The following TMEM116 variants were observed in gnomAD, a reference collection of about 807,000 sequenced individuals.
TMEM116 encodes the protein transmembrane protein 116.
TMEM116 carries 38 observed loss-of-function variants against 44.3 expected under a neutral mutation model. The observed-to-expected ratio is 0.86, with a 90% CI of 0.66 to 1.12. The LOEUF (loss-of-function observed/expected upper bound fraction) is 1.12, where lower values mean the gene tolerates loss of function less well. Among genes scored for constraint, TMEM116 ranks in the 50% most tolerant of loss-of-function variants. The probability of loss-of-function intolerance (pLI) is 0.00; values close to 1 mark genes in which losing one functional copy is unlikely to be tolerated. For missense variants in TMEM116, 354 were observed against 401.7 expected (o/e 0.88, Z 1.01); for synonymous variants, 132 against 144.8 (o/e 0.91, Z 0.64).
intron 4 of TMEM116, among the ~76,000 whole-genome samples, chr12:111,986,068 A>G (rs1423439394): frequency 1.3e-5 from 2 of 152,142 alleles, no homozygotes; most frequent in Non-Finnish European, 2.9e-5. Flanking sequence ...ATCTTGAAAA[A>G]GAAGAGGTAA....
chr12:111,938,898 A>AT (rs2072417318), intron 5 of TMEM116, among the ~76,000 whole-genome samples: 1 of 151,884 alleles, frequency 6.6e-6, no homozygotes, highest in African/African-American at 2.4e-5. Context: ...GATAGAAAAC[A>AT]TATATTTGGA....
intron 4 of TMEM116, among the ~76,000 whole-genome samples, chr12:111,987,108 C>T (rs2076269663): frequency 6.6e-6 from 1 of 151,990 alleles, no homozygotes; most frequent in South Asian, 2.1e-4. Flanking sequence ...AAAAGGCAGC[C>T]TACAGAATGG....
intron 4 of TMEM116, among the ~76,000 whole-genome samples, chr12:111,973,176 T>G (rs887126584): frequency 1.3e-5 from 2 of 151,992 alleles, no homozygotes; most frequent in African/African-American, 4.8e-5. Context: ...AGTCAATAAT[T>G]TCAAAAGCAC....
At chr12:111,953,372 C>T (rs2073873061) in intron 4 of TMEM116, among the ~76,000 whole-genome samples, 1 of 152,122 alleles carries the variant, frequency 6.6e-6, no homozygotes, top group South Asian at 2.1e-4. Flanking sequence ...GATGACTGAT[C>T]AGCAATGCTT....
At chr12:111,962,137 C>G (rs185692168) in intron 4 of TMEM116, among the ~76,000 whole-genome samples, 2 of 152,238 alleles carry the variant, frequency 1.3e-5, no homozygotes, top group Non-Finnish European at 2.9e-5. Context: ...TCAAGAAGAA[C>G]TACAAACTGC....
intron 5 of TMEM116, 137 bp downstream of exon 5, chr12:111,943,128 T>A: frequency 2.8e-6 from 2 of 705,524 alleles, no homozygotes. Context: ...TTTCACCACT[T>A]GCCCAGACTG....
In TMEM116 at chr12:112,001,670, G is replaced by A. The variant is rs191950066; in HGVS notation, c.78+2130C>T. Among the ~76,000 whole-genome samples, 9 of 152,296 alleles carry A rather than the reference G, an allele frequency of 5.9e-5. No individual in the cohort carries two copies. The East Asian group carries it at 7.7e-4, about 13-fold the overall frequency. Reference sequence around the variant, plus strand: ...AGATAAAGCTTAGCTCTCTCTGTGTGTAAGTCATACTTTATTAACTTAATC... The same window carrying A: ...AGATAAAGCTTAGCTCTCTCTGTGTATAAGTCATACTTTATTAACTTAATC... On this transcript the variant is annotated intron_variant, in intron 3 of 10. Coordinates refer to ENST00000552374, the MANE Select transcript of TMEM116 (RefSeq NM_001193531.2).
chr12:111,951,561 T>C (rs985653798), intron 4 of TMEM116, among the ~76,000 whole-genome samples: 6 of 151,992 alleles, frequency 3.9e-5, no homozygotes, highest in Admixed American at 6.6e-5. Flanking sequence ...CAAACTAACA[T>C]AGAAACAGGA....
chr12:111,984,155 A>G (rs1340260507), intron 4 of TMEM116, among the ~76,000 whole-genome samples: 1 of 152,202 alleles, frequency 6.6e-6, no homozygotes, highest in African/African-American at 2.4e-5. Flanking sequence ...CCCACCCAAA[A>G]AAACTCCCAA....
intron 4 of TMEM116, among the ~76,000 whole-genome samples, chr12:111,977,866 A>G (rs555104930): frequency 6.6e-6 from 1 of 152,220 alleles, no homozygotes; most frequent in East Asian, 1.9e-4. Context: ...TGTGTAAGAC[A>G]AACTCTTGGG....
At chr12:111,953,584 C>T (rs1178847899) in intron 4 of TMEM116, among the ~76,000 whole-genome samples, 2 of 152,198 alleles carry the variant, frequency 1.3e-5, no homozygotes, top group Admixed American at 6.5e-5. Flanking sequence ...CAACCTTACA[C>T]ACACAAAAAG....
chr12:111,945,006 T>C (rs1016560227), intron 4 of TMEM116, among the ~76,000 whole-genome samples: 1 of 141,424 alleles, frequency 7.1e-6, no homozygotes, highest in Non-Finnish European at 1.5e-5. Flanking sequence ...GCCCTGGAGA[T>C]GGAGGTTGCA....
intron 3 of TMEM116, 49 bp from the exon 4 acceptor site, chr12:111,991,938 A>G (rs1212541953): frequency 6.7e-7 from 1 of 1,500,572 alleles, no homozygotes; most frequent in South Asian, 1.2e-5. Flanking sequence ...AGCTAGGAGA[A>G]TGTTAACAAT....
intron 4 of TMEM116, among the ~76,000 whole-genome samples, chr12:111,984,661 T>C (rs2076128344): frequency 6.6e-6 from 1 of 152,004 alleles, no homozygotes; most frequent in Non-Finnish European, 1.5e-5. Flanking sequence ...AACTTAATTG[T>C]ACATTTTAAA....
intron 1 of TMEM116, among the ~76,000 whole-genome samples, chr12:112,009,009 G>A (rs986516104): frequency 2.0e-5 from 3 of 151,768 alleles, no homozygotes; most frequent in Admixed American, 2.0e-4. Context: ...AGTAATAACA[G>A]TTACCAATTA....
chr12:111,940,523 G>GTATGTATATATATA (rs2072680407), intron 5 of TMEM116, among the ~76,000 whole-genome samples: 1 of 104,952 alleles, frequency 9.5e-6, no homozygotes, highest in Admixed American at 1.0e-4. Context: ...ATATATATGT[G>GTATGTATATATATA]TATATATATA....
chr12:111,939,844 A>G (rs1469804796), intron 5 of TMEM116, among the ~76,000 whole-genome samples: 1 of 151,348 alleles, frequency 6.6e-6, no homozygotes, highest in Non-Finnish European at 1.5e-5. Context: ...ATAAAAAGAA[A>G]AGAAAACCCA....
chr12:111,964,039 C>G (rs1406228789), intron 4 of TMEM116, among the ~76,000 whole-genome samples: 1 of 151,032 alleles, frequency 6.6e-6, no homozygotes, highest in African/African-American at 2.4e-5. Context: ...TAAAACAACT[C>G]CCGTTTTTTT....
chr12:111,973,058 A>G (rs2075455036), intron 4 of TMEM116, among the ~76,000 whole-genome samples: 1 of 152,156 alleles, frequency 6.6e-6, no homozygotes, highest in Admixed American at 6.5e-5. Context: ...GAATTGCTTG[A>G]ACCCAGGAGG....
Sources: allele counts gnomAD v4.1 joint callset (sites outside exome capture counted in the v4.1 genomes callset), GRCh38; gene constraint gnomAD v4.1.1; transcripts MANE v1.5; gene names NCBI Gene and HGNC (gene_info 2026-07-23, HGNC 2026-07-21).